Variants in RIT2 observed in about 807,000 individuals in gnomAD.
RIT2 encodes Ras like without CAAX 2, also known as GTP-binding protein Rit2.
In RIT2, 24 loss-of-function variants were observed where a neutral mutation model predicts 23.7. That is an observed-to-expected ratio of 1.01 (90% CI 0.73 to 1.43). The LOEUF is 1.43. RIT2 is among the 40% of genes most tolerant of loss of function. RIT2 has a pLI of 0.00. For missense variants in RIT2, 236 were observed against 266.9 expected, an observed-to-expected ratio of 0.88 and a Z score of 0.81; for synonymous variants, 107 against 91.1, an observed-to-expected ratio of 1.17 and a Z score of -0.99.
At chr18:42,775,559 TG>T (rs1269143249) in intron 4 of RIT2, among the ~76,000 whole-genome samples, 1 of 151,822 alleles carries the variant, frequency 6.6e-6, no homozygotes, top group Admixed American at 6.6e-5. Context: ...TAGCCGGTCG[TG>T]GTGGCGGGCG....
intron 3 of RIT2, among the ~76,000 whole-genome samples, chr18:42,928,157 A>C (rs755393703): frequency 2.6e-5 from 4 of 152,040 alleles, no homozygotes; most frequent in Non-Finnish European, 4.4e-5. Context: ...ATGGAAAAAA[A>C]AGTAAATTAA....
chr18:42,844,409 A>C (rs1337600711), intron 4 of RIT2, among the ~76,000 whole-genome samples: 2 of 152,212 alleles, frequency 1.3e-5, no homozygotes, highest in Admixed American at 6.5e-5. Flanking sequence ...TCACATAGAC[A>C]CTTGAAGGAT....
At chr18:42,863,678 C>G (rs1907391577) in intron 4 of RIT2, among the ~76,000 whole-genome samples, 1 of 152,098 alleles carries the variant, frequency 6.6e-6, no homozygotes, top group African/African-American at 2.4e-5. Flanking sequence ...GAATTAACTC[C>G]TAGTATATTC....
chr18:43,008,740 T>C (rs1162410371), intron 2 of RIT2, among the ~76,000 whole-genome samples: 1 of 151,634 alleles, frequency 6.6e-6, no homozygotes, highest in Admixed American at 6.6e-5. Context: ...GATAGCTTAG[T>C]ATAAATCTTT....
intron 4 of RIT2, among the ~76,000 whole-genome samples, chr18:42,746,083 C>T (rs1912910489): frequency 6.6e-6 from 1 of 152,030 alleles, no homozygotes; most frequent in African/African-American, 2.4e-5. Context: ...CTCTTATCCT[C>T]TTATTTTGGG....
chr18:42,994,094 C>G (rs1450696407), intron 2 of RIT2, among the ~76,000 whole-genome samples: 3 of 152,108 alleles, frequency 2.0e-5, no homozygotes, highest in Non-Finnish European at 2.9e-5. Context: ...CTCAATACCT[C>G]CCTCTACAAC....
At chr18:42,746,318 T>G (rs1912915672) in intron 4 of RIT2, among the ~76,000 whole-genome samples, 1 of 152,060 alleles carries the variant, frequency 6.6e-6, no homozygotes, top group African/African-American at 2.4e-5. Context: ...TCAATATAAA[T>G]GCATTACAGT....
In RIT2 at chr18:42,973,926, A is replaced by G. The variant is rs1910420024; in HGVS notation, c.234+148T>C. ...GGAAATATTCTGGTTGGTAATTTTGATTCTTTTAAAATTTAATTCCTGATT... is the reference window on the plus strand; with the variant it reads ...GGAAATATTCTGGTTGGTAATTTTGGTTCTTTTAAAATTTAATTCCTGATT... On this transcript the variant is annotated intron_variant, in intron 3 of 4. Transcript: ENST00000326695. 5.3e-6 allele frequency: 3 copies of G among 566,752 alleles called. No homozygotes were observed. In the South Asian group the frequency reaches 8.2e-5, roughly 15 times the overall value. 35.1% of individuals were successfully genotyped at this position (566,752 alleles called of 1,614,324 possible).
At chr18:42,918,944 G>A (rs965010623) in intron 4 of RIT2, among the ~76,000 whole-genome samples, 6 of 151,998 alleles carry the variant, frequency 3.9e-5, no homozygotes, top group Non-Finnish European at 8.8e-5. Context: ...TACCCACATG[G>A]GTCTCTCCTG....
intron 1 of RIT2, among the ~76,000 whole-genome samples, chr18:43,088,200 T>C (rs1483908673): frequency 2.0e-5 from 3 of 152,194 alleles, no homozygotes; most frequent in Non-Finnish European, 2.9e-5. Flanking sequence ...TTTGAAGACT[T>C]TCAAAATGTT....
At chr18:43,057,912 T>G (rs1205916141) in intron 1 of RIT2, among the ~76,000 whole-genome samples, 1 of 152,016 alleles carries the variant, frequency 6.6e-6, no homozygotes, top group African/African-American at 2.4e-5. Flanking sequence ...TGGTGTGTCT[T>G]GCCTGGGCAA....
At chr18:43,072,956 C>T (rs545994830) in intron 1 of RIT2, among the ~76,000 whole-genome samples, 3 of 152,158 alleles carry the variant, frequency 2.0e-5, no homozygotes, top group African/African-American at 7.2e-5. Flanking sequence ...CACTCTAGCT[C>T]CCTCTTCTCT....
At chr18:43,065,075 C>T (rs572090552) in intron 1 of RIT2, among the ~76,000 whole-genome samples, 21 of 152,198 alleles carry the variant, frequency 1.4e-4, no homozygotes, top group African/African-American at 4.8e-4. Flanking sequence ...GCCTCAGCTT[C>T]CCAAAGTGCT....
chr18:42,759,847 G>A (rs796066307), intron 4 of RIT2, among the ~76,000 whole-genome samples: 18 of 150,350 alleles, frequency 1.2e-4, no homozygotes, highest in African/African-American at 3.4e-4. Context: ...GCATGATTTC[G>A]GCTCACCGCA....
chr18:42,806,127 ATATT>A (rs1339494087), intron 4 of RIT2, among the ~76,000 whole-genome samples: 2 of 125,434 alleles, frequency 1.6e-5, no homozygotes, highest in African/African-American at 6.3e-5. Flanking sequence ...ATATATATAT[ATATT>A]TTACAAATCC....
intron 3 of RIT2, 112 bp from the exon 4 acceptor site, chr18:42,923,875 G>T: frequency 3.5e-6 from 3 of 851,484 alleles, no homozygotes; most frequent in Admixed American, 2.9e-5. Context: ...TAAGAATATT[G>T]ATATTTAATC....
At chr18:42,782,388 A>C (rs903803080) in intron 4 of RIT2, among the ~76,000 whole-genome samples, 2 of 152,126 alleles carry the variant, frequency 1.3e-5, no homozygotes, top group Admixed American at 6.6e-5. Flanking sequence ...AATTTGCTTA[A>C]GAAATAGAGA....
intron 3 of RIT2, among the ~76,000 whole-genome samples, chr18:42,943,630 T>C (rs1381966997): frequency 6.6e-6 from 1 of 152,136 alleles, no homozygotes; most frequent in Non-Finnish European, 1.5e-5. Flanking sequence ...TTAGAAGTGG[T>C]TTGGGTCTTT....
chr18:42,786,272 G>T (rs1038489753), intron 4 of RIT2, among the ~76,000 whole-genome samples: 5 of 152,044 alleles, frequency 3.3e-5, no homozygotes, highest in Admixed American at 2.0e-4. Flanking sequence ...TACACAAGGG[G>T]TCTGAATTTA....
Sources: gnomAD v4.1 joint callset for allele counts (sites outside exome capture counted in the v4.1 genomes callset) on GRCh38, gnomAD v4.1.1 for gene constraint, MANE v1.5 for transcripts, NCBI Gene and HGNC (gene_info 2026-07-23, HGNC 2026-07-21) for gene names.